Variants in FBXO42 observed in about 807,000 individuals in gnomAD.
FBXO42 encodes the protein F-box protein 42.
Under a neutral mutation model 71.7 loss-of-function variants are expected in FBXO42, and 12 were observed. The ratio of observed to expected loss-of-function variants is 0.17; its 90% confidence interval spans 0.11 to 0.27. FBXO42 has a LOEUF of 0.27. Ranked by LOEUF, FBXO42 falls within the 10% of genes least tolerant of loss-of-function variation. The probability of loss-of-function intolerance (pLI) is 1.00; values close to 1 mark genes in which losing one functional copy is unlikely to be tolerated. For synonymous variants in FBXO42, 325 were observed against 327.5 expected (o/e 0.99, Z 0.08); for missense variants, 707 against 911.9 (o/e 0.78, Z 2.89).
In FBXO42 at chr1:16,251,219, A is replaced by G; in HGVS notation, c.1605T>C (p.Asn535=). 1 of 1,614,092 alleles carries G rather than the reference A, an allele frequency of 6.2e-7. No homozygotes were observed. Among genetic ancestry groups the G allele is most frequent in the East Asian group, 2.2e-5 (1 of 44,862 alleles). The stretch of plus-strand genomic sequence containing the variant: ...CCACGTGAGGTGGGGTATGCACACC[A>G]TTTGTCTGTTCAGGAGGGTGTCTCA... ...GSMRHPPEQT[N]GVHTPPHVAS... is the part of the protein sequence containing the mutation. Residue 535 remains asparagine (N), a synonymous_variant, in exon 10 of 10, where the codon AAT becomes AAC. Coordinates refer to ENST00000375592, the MANE Select transcript of FBXO42 (RefSeq NM_018994.3). This position sits in a 1 kb window ranked among gnomAD's most constrained non-coding sequence, Gnocchi z 4.5.
At chr1:16,305,776 G>T in intron 3 of FBXO42, 27 bp downstream of exon 3, 1 of 1,566,750 alleles carries the variant, frequency 6.4e-7, no homozygotes, top group Non-Finnish European at 8.8e-7. Context: ...AGGCAGGGTG[G>T]AATCTGCTTT....
chr1:16,294,794 G>A lies in FBXO42; in HGVS notation c.491C>T (p.Pro164Leu), dbSNP rs2082112271. Reference sequence around the variant, plus strand: ...ATTTCATCTCTTACCTGAAGCCAAAGGTCGGATCCACTCTTTGCTGTTTAG... The same window carrying A: ...ATTTCATCTCTTACCTGAAGCCAAAAGTCGGATCCACTCTTTGCTGTTTAG... ...LDLNSKEWIR[P>L]LASGSYPSPK... is the part of the protein sequence containing the mutation. The change falls in exon 4 of 10, where the codon CCT becomes CTT. Residue 164 changes from proline to leucine, a missense_variant. Pro to Leu is a moderately conservative substitution (Grantham distance 98, BLOSUM62 -3). This residue lies in a region of FBXO42 where 188 missense variants were observed against 230.5 expected (regional missense o/e 0.82). Coordinates refer to ENST00000375592, the MANE Select transcript of FBXO42 (RefSeq NM_018994.3). The A allele has an allele frequency of 1.2e-6, 2 of 1,613,682 alleles. No individual in the cohort carries two copies. Among genetic ancestry groups the A allele is most frequent in the Non-Finnish European group, 1.7e-6 (2 of 1,179,938 alleles).
rs2082374126 is a variant in FBXO42, at chr1:16,317,039, G to C, written c.-17-1604C>G. ...CTCACGCCTGTAATCCCAACACTTT[G>C]GGAGGCTGAGGCGGGCGGATCACCT... On this transcript the variant is annotated intron_variant, in intron 1 of 9. Coordinates refer to ENST00000375592, the MANE Select transcript of FBXO42 (RefSeq NM_018994.3). Among the ~76,000 whole-genome samples the C allele has an allele frequency of 2.0e-5, 3 of 152,228 alleles. 1 individual carries two copies. In the South Asian group the frequency reaches 6.2e-4, roughly 32 times the overall value.
intron 2 of FBXO42, among the ~76,000 whole-genome samples, chr1:16,312,579 T>C (rs1328644553): frequency 6.6e-6 from 1 of 152,110 alleles, no homozygotes; most frequent in Non-Finnish European, 1.5e-5. Context: ...TATGATATTA[T>C]AACAGTGGAT....
At chr1:16,342,768 A>C (rs549462128) in intron 1 of FBXO42, among the ~76,000 whole-genome samples, 1 of 152,138 alleles carries the variant, frequency 6.6e-6, no homozygotes, top group East Asian at 1.9e-4. Context: ...GGTGGGGCCT[A>C]CTGGGTGGTG....
At chr1:16,278,707 G>A (rs1375734742) in intron 4 of FBXO42, among the ~76,000 whole-genome samples, 1 of 152,034 alleles carries the variant, frequency 6.6e-6, no homozygotes, top group Non-Finnish European at 1.5e-5. Context: ...CCTTTTTAAG[G>A]TATCATTTAC....
In FBXO42 at chr1:16,261,685, CA is replaced by C. The variant is rs749084845; in HGVS notation, c.503-4927del. 1.3e-4 allele frequency among the ~76,000 whole-genome samples: 20 copies of C among 150,698 alleles called. No individual in the cohort carries two copies. The East Asian group carries it at 2.7e-3, about 20-fold the overall frequency. On this transcript the variant is annotated intron_variant, in intron 4 of 9. Transcript: ENST00000375592. ...TACAGTGAGTTCAGCAACCAGAAGT[CA>C]AGGATACAGGTATATCAATTTTTTT...
chr1:16,293,715 C>G (rs1311775079), intron 4 of FBXO42: 1 of 152,216 alleles, frequency 6.6e-6, no homozygotes, highest in Non-Finnish European at 1.5e-5. Context: ...AGCTTCTTCT[C>G]ATAAACAGGT....
rs2081613108 is a variant in FBXO42 at position 16,253,667 on chromosome 1, G to A, written c.832C>T (p.Pro278Ser). 4.3e-6 allele frequency: 7 copies of A among 1,614,070 alleles called. No individual in the cohort carries two copies. In the Admixed American group the frequency reaches 1.0e-4, roughly 23 times the overall value. ...TGGCCACCTCGAGGATGAGGACTGG[G>A]GCCAGAGATGTTCGGCTTGGACCAC... is the stretch of plus-strand genomic sequence containing the variant. ...WAWSKPNISG[P>S]SPHPRGGQSQ... is the part of the protein sequence containing the mutation. Residue 278 changes from proline (P) to serine (S), a missense_variant, in exon 7 of 10, where the codon CCC becomes TCC. Transcript: ENST00000375592.
chr1:16,254,908 C>T (rs996045911), intron 6 of FBXO42, among the ~76,000 whole-genome samples: 3 of 152,194 alleles, frequency 2.0e-5, no homozygotes, highest in Non-Finnish European at 4.4e-5. Flanking sequence ...ACCCATTCCA[C>T]AACCCATCCC....
chr1:16,251,466 C>G lies in FBXO42; in HGVS notation c.1358G>C (p.Gly453Ala), dbSNP rs2081591135. 1 of 1,613,982 alleles carries G rather than the reference C, an allele frequency of 6.2e-7. No homozygotes were observed. The highest frequency in any genetic ancestry group is 8.5e-7 in the Non-Finnish European group (1 of 1,180,028). ...SLSPGTAAVG[G>A]SSLDSPVQAI... Reference sequence around the variant, plus strand: ...CTGTACAGGACTGTCCAAAGAAGAGCCACCCACAGCTGCCGTTCCTGGAGA... The same window carrying G: ...CTGTACAGGACTGTCCAAAGAAGAGGCACCCACAGCTGCCGTTCCTGGAGA... The change falls in exon 10 of 10, where the codon GGC becomes GCC. Residue 453 changes from glycine (G) to alanine (A), a missense_variant. This residue lies in a region of FBXO42 where 482 missense variants were observed against 587.1 expected (regional missense o/e 0.82). Coordinates refer to ENST00000375592, the MANE Select transcript of FBXO42 (RefSeq NM_018994.3). This position sits in a 1 kb window ranked among gnomAD's most constrained non-coding sequence, Gnocchi z 4.5.
At chr1:16,310,224 A>G (rs1226694108) in intron 2 of FBXO42, among the ~76,000 whole-genome samples, 1 of 151,022 alleles carries the variant, frequency 6.6e-6, no homozygotes, top group Non-Finnish European at 1.5e-5. Flanking sequence ...AGCCGGGCGT[A>G]GTAGCATGCA....
At chr1:16,333,916 C>T (rs931491081) in intron 1 of FBXO42, among the ~76,000 whole-genome samples, 7 of 152,112 alleles carry the variant, frequency 4.6e-5, no homozygotes, top group African/African-American at 1.7e-4. Flanking sequence ...CTCTGACCTT[C>T]TATAAATTTG....
In FBXO42 at chr1:16,251,695, C is replaced by T. The variant is rs368991453; in HGVS notation, c.1129G>A (p.Ala377Thr). Residue 377 changes from alanine to threonine, a missense_variant, in exon 10 of 10, where the codon GCC (alanine) becomes ACC (threonine). Coordinates refer to ENST00000375592, the MANE Select transcript of FBXO42 (RefSeq NM_018994.3). This position sits in a 1 kb window ranked among gnomAD's most constrained non-coding sequence, Gnocchi z 4.5. ...SLNSRPSPIS[A>T]TPPALVPETR... ...TCAGGAACGAGAGCTGGAGGAGTGG[C>T]ACTGATAGGTGATGGGCGAGAGTTC... 38 of 1,614,044 alleles carry T rather than the reference C, an allele frequency of 2.4e-5. No individual in the cohort carries two copies. Among genetic ancestry groups the T allele is most frequent in the African/African-American group, 6.7e-5 (5 of 74,916 alleles).
chr1:16,316,745 A>AG (rs2082370794), intron 1 of FBXO42, among the ~76,000 whole-genome samples: 1 of 151,460 alleles, frequency 6.6e-6, no homozygotes, highest in Non-Finnish European at 1.5e-5. Flanking sequence ...AAAAAAAAAA[A>AG]AAAAAAAAAG....
chr1:16,301,236 C>A (rs961489228), intron 3 of FBXO42, among the ~76,000 whole-genome samples: 2 of 151,974 alleles, frequency 1.3e-5, no homozygotes, highest in African/African-American at 4.8e-5. Flanking sequence ...ACTTTTTTGT[C>A]CCAGACTTTT....
intron 1 of FBXO42, among the ~76,000 whole-genome samples, chr1:16,315,995 AC>A (rs777380141): frequency 2.5e-4 from 38 of 151,786 alleles, no homozygotes; most frequent in African/African-American, 8.2e-4. Flanking sequence ...ACATGGAGAA[AC>A]CCCGTCTCTA....
intron 4 of FBXO42, among the ~76,000 whole-genome samples, chr1:16,274,906 A>G (rs2081884174): frequency 1.3e-5 from 2 of 152,064 alleles, no homozygotes; most frequent in Admixed American, 1.3e-4. Context: ...TTATGTCTTA[A>G]TAGAATAATA....
chr1:16,326,788 T>C (rs1450308868), intron 1 of FBXO42, among the ~76,000 whole-genome samples: 1 of 152,074 alleles, frequency 6.6e-6, no homozygotes, highest in Non-Finnish European at 1.5e-5. Flanking sequence ...CAGAATCAAC[T>C]ACACCTTTCA....
Sources: gnomAD v4.1 joint callset for allele counts (sites outside exome capture counted in the v4.1 genomes callset) on GRCh38, gnomAD v4.1.1 for gene constraint, gnomAD v4.1.1 regional missense constraint, Gnocchi (gnomAD v3.1) non-coding constraint, MANE v1.5 for transcripts, NCBI Gene and HGNC (gene_info 2026-07-23, HGNC 2026-07-21) for gene names.